Variants in MTFR1 observed in about 807,000 individuals in gnomAD.
MTFR1 encodes the protein chondrocyte protein with a poly-proline region.
Under a neutral mutation model 38.8 loss-of-function variants are expected in MTFR1, and 28 were observed. The ratio of observed to expected loss-of-function variants is 0.72; its 90% confidence interval spans 0.53 to 0.99. The LOEUF is 0.99. Ranked by LOEUF, MTFR1 falls within the 50% of genes least tolerant of loss-of-function variation. The probability of loss-of-function intolerance (pLI) is 0.00; values close to 1 mark genes in which losing one functional copy is unlikely to be tolerated. For missense variants in MTFR1, 358 were observed against 395.5 expected (o/e 0.91, Z 0.81); for synonymous variants, 145 against 137.0 (o/e 1.06, Z -0.41).
chr8:65,769,999 A>C (rs1808999173), intron 3 of MTFR1, among the ~76,000 whole-genome samples: 1 of 152,204 alleles, frequency 6.6e-6, no homozygotes, highest in African/African-American at 2.4e-5. Context: ...ATACTCTTAA[A>C]AATTTTTGTC....
intron 3 of MTFR1, chr8:65,726,996 A>T (rs1325320870): frequency 8.1e-7 from 1 of 1,232,280 alleles, no homozygotes; most frequent in South Asian, 1.2e-5. Flanking sequence ...TGAGTTACTT[A>T]ATGATACGTC....
intron 3 of MTFR1, among the ~76,000 whole-genome samples, chr8:65,737,566 G>A (rs184783343): frequency 9.9e-4 from 150 of 152,172 alleles, no homozygotes; most frequent in African/African-American, 3.5e-3. Context: ...GTACAGTGGC[G>A]CGATCTCGGC....
chr8:65,647,362 C>G (rs2129046533), intron 1 of MTFR1, among the ~76,000 whole-genome samples: 1 of 152,238 alleles, frequency 6.6e-6, no homozygotes, highest in South Asian at 2.1e-4. Context: ...GCCCAGGATG[C>G]AGTGCAGTGG....
At chr8:65,755,583 T>C (rs1007297372) in intron 3 of MTFR1, among the ~76,000 whole-genome samples, 1 of 152,252 alleles carries the variant, frequency 6.6e-6, no homozygotes, top group Non-Finnish European at 1.5e-5. Context: ...TATATGTGTG[T>C]GCCCATTACC....
Position 65,764,820 on chromosome 8 carries a change from C to T in MTFR1, c.*49-6127C>T, listed in dbSNP as rs370680908. Among the ~76,000 whole-genome samples, 10 of 152,152 alleles carry T rather than the reference C, an allele frequency of 6.6e-5. No individual in the cohort carries two copies. The East Asian group carries it at 1.5e-3, about 24-fold the overall frequency. The stretch of plus-strand genomic sequence containing the variant: ...AATCAAATACACATGAGGAACTAAG[C>T]GAAATTTAGGGAAAATTCTGTATGC... On this transcript the variant is annotated intron_variant, in intron 3 of 3. Transcript: ENST00000521247.
chr8:65,689,162 G>T (rs1805195550), intron 3 of MTFR1, among the ~76,000 whole-genome samples: 2 of 152,030 alleles, frequency 1.3e-5, no homozygotes, highest in East Asian at 3.9e-4. Context: ...AACAAACAAA[G>T]AATCCGTGTA....
chr8:65,662,510 C>T (rs1467318712), intron 1 of MTFR1, among the ~76,000 whole-genome samples: 4 of 148,804 alleles, frequency 2.7e-5, no homozygotes, highest in Admixed American at 6.8e-5. Flanking sequence ...AGCCTCTGCC[C>T]GGCCGCCACC....
intron 3 of MTFR1, among the ~76,000 whole-genome samples, chr8:65,689,812 AAAG>A (rs143662150): frequency 0.021 from 3,180 of 152,296 alleles, 109 homozygotes; most frequent in African/African-American, 0.072. Context: ...GGCCTTTTAT[AAAG>A]AAGATTTTCT....
downstream of MTFR1, among the ~76,000 whole-genome samples, chr8:65,711,283 TTG>T (rs1412954144): frequency 6.4e-4 from 98 of 152,310 alleles, no homozygotes; most frequent in African/African-American, 2.1e-3. Context: ...TACATAAGAC[TTG>T]TGTCTTCTTT....
chr8:65,740,479 C>A (rs1250663249), intron 3 of MTFR1, among the ~76,000 whole-genome samples: 3 of 152,110 alleles, frequency 2.0e-5, no homozygotes, highest in Non-Finnish European at 2.9e-5. Context: ...TGGCTCACTG[C>A]AACCTCCACC....
intron 1 of MTFR1, among the ~76,000 whole-genome samples, chr8:65,669,079 T>G (rs1033908717): frequency 6.6e-6 from 1 of 152,234 alleles, no homozygotes; most frequent in African/African-American, 2.4e-5. Flanking sequence ...TTTCTGGAAT[T>G]CATTCCTTTA....
At chr8:65,724,110 T>A (rs1806507264) in intron 3 of MTFR1, 1 of 557,480 alleles carries the variant, frequency 1.8e-6, no homozygotes, top group African/African-American at 1.9e-5. Flanking sequence ...TTTGTATTGA[T>A]TAGATGTATA....
chr8:65,650,960 A>G (rs1809106356), intron 1 of MTFR1, among the ~76,000 whole-genome samples: 1 of 152,066 alleles, frequency 6.6e-6, no homozygotes, highest in Non-Finnish European at 1.5e-5. Context: ...CCTTGCCAGC[A>G]TTCATTCTTG....
chr8:65,755,031 T>C (rs1043327101), intron 3 of MTFR1, among the ~76,000 whole-genome samples: 4 of 151,118 alleles, frequency 2.6e-5, no homozygotes, highest in Non-Finnish European at 5.9e-5. Context: ...CTTATTTTTT[T>C]TTTTTTTGAG....
At chr8:65,759,902 T>C (rs909220401) in intron 3 of MTFR1, among the ~76,000 whole-genome samples, 1 of 152,192 alleles carries the variant, frequency 6.6e-6, no homozygotes, top group Admixed American at 6.5e-5. Flanking sequence ...TATATACGTA[T>C]AATTTTTCTT....
chr8:65,772,321 G>A (rs546756836), downstream of MTFR1, among the ~76,000 whole-genome samples: 793 of 152,254 alleles, frequency 5.2e-3, 6 homozygotes, highest in Middle Eastern at 0.01. Flanking sequence ...TATCATTAGG[G>A]AAAATAGTCT....
chr8:65,662,955 G>A (rs1270926461), intron 1 of MTFR1, among the ~76,000 whole-genome samples: 8 of 151,248 alleles, frequency 5.3e-5, no homozygotes, highest in Non-Finnish European at 8.9e-5. Context: ...GGGAGATGAG[G>A]GGCGCCTCTG....
intron 2 of MTFR1, among the ~76,000 whole-genome samples, chr8:65,675,153 T>C (rs1804676161): frequency 6.6e-6 from 1 of 152,112 alleles, no homozygotes; most frequent in African/African-American, 2.4e-5. Flanking sequence ...TAATTGGGCA[T>C]GGTAGCGCAT....
Position 65,709,135 on chromosome 8 carries a change from C to A in MTFR1, c.*91C>A. On this transcript the variant is annotated 3_prime_UTR_variant, in exon 8 of 8. Transcript: ENST00000262146. ...AGAAATCGACACTGTTTAGTAAATA[C>A]CTCTTTAGTATTCAGTGGTCTTCTT... The A allele has an allele frequency of 9.1e-7, 1 of 1,093,594 alleles. No individual in the cohort carries two copies. The highest frequency in any genetic ancestry group is 1.4e-6 in the Non-Finnish European group (1 of 711,492). The allele number at this position is 1,093,594 out of a possible 1,614,324, so 67.7% of individuals were successfully genotyped here.
Sources: gnomAD v4.1 joint callset for allele counts (sites outside exome capture counted in the v4.1 genomes callset) on GRCh38, gnomAD v4.1.1 for gene constraint, MANE v1.5 for transcripts, NCBI Gene and HGNC (gene_info 2026-07-23, HGNC 2026-07-21) for gene names.